Variants in RALGPS1 observed in about 807,000 individuals in gnomAD.
RALGPS1 encodes the protein Ral GEF with PH domain and SH3 binding motif 1.
A neutral mutation model predicts 78.8 loss-of-function variants in RALGPS1; 19 were observed. The ratio of observed to expected loss-of-function variants is 0.24; its 90% CI spans 0.17 to 0.35. The LOEUF is 0.35. Ranked by LOEUF, RALGPS1 falls within the 10% of genes least tolerant of loss-of-function variation. The pLI is 1.00. For missense variants in RALGPS1, 454 were observed against 688.3 expected (o/e 0.66, Z 3.81); for synonymous variants, 228 against 256.3 (o/e 0.89, Z 1.06).
chr9:127,213,076 T>A, intron 17 of RALGPS1, 27 bp downstream of exon 17: 1 of 1,613,982 alleles, frequency 6.2e-7, no homozygotes, highest in Non-Finnish European at 8.5e-7. Flanking sequence ...AGCTGGCGCC[T>A]GCAGCTGCTC....
chr9:127,006,267 C>T (rs1021732736), intron 4 of RALGPS1, among the ~76,000 whole-genome samples: 2 of 152,140 alleles, frequency 1.3e-5, no homozygotes, highest in African/African-American at 4.8e-5. Flanking sequence ...ACAAGCCATT[C>T]GTGAAGGAAA....
At chr9:127,154,823 T>C (rs1488094129) in intron 8 of RALGPS1, among the ~76,000 whole-genome samples, 1 of 152,196 alleles carries the variant, frequency 6.6e-6, no homozygotes, top group African/African-American at 2.4e-5. Context: ...GTGATCTCAC[T>C]CTCTGGCCGG....
At chr9:127,139,064 C>T (rs1172933171) in intron 8 of RALGPS1, among the ~76,000 whole-genome samples, 1 of 152,184 alleles carries the variant, frequency 6.6e-6, no homozygotes, top group Non-Finnish European at 1.5e-5. Context: ...CACCTCAGCT[C>T]TGTCCTTAGA....
intron 4 of RALGPS1, among the ~76,000 whole-genome samples, chr9:127,033,276 A>G (rs1331555355): frequency 6.6e-6 from 1 of 152,174 alleles, no homozygotes; most frequent in African/African-American, 2.4e-5. Context: ...TCTTGTGACC[A>G]GGAGCTGCTG....
At chr9:127,059,534 C>CT (rs1233909309) in intron 7 of RALGPS1, among the ~76,000 whole-genome samples, 3 of 152,272 alleles carry the variant, frequency 2.0e-5, no homozygotes, top group Admixed American at 2.0e-4. Flanking sequence ...CTCTTGACTT[C>CT]TTTTGTTGCT....
intron 5 of RALGPS1, among the ~76,000 whole-genome samples, chr9:127,044,742 C>T (rs996072872): frequency 6.6e-6 from 1 of 152,150 alleles, no homozygotes; most frequent in African/African-American, 2.4e-5. Flanking sequence ...CTCTCTCCTT[C>T]CTCTAATAGT....
At chr9:127,006,689 C>G (rs1291036927) in intron 4 of RALGPS1, among the ~76,000 whole-genome samples, 1 of 152,118 alleles carries the variant, frequency 6.6e-6, no homozygotes, top group East Asian at 1.9e-4. Context: ...GATGAAGAGA[C>G]TGAGGCCCAG....
At chr9:126,942,439 A>C (rs1425240363) in intron 1 of RALGPS1, among the ~76,000 whole-genome samples, 1 of 152,152 alleles carries the variant, frequency 6.6e-6, no homozygotes, top group African/African-American at 2.4e-5. Flanking sequence ...CTTTTTCCCA[A>C]GTGAATAGTA....
chr9:127,026,332 G>A (rs1464545133), intron 4 of RALGPS1, among the ~76,000 whole-genome samples: 1 of 152,178 alleles, frequency 6.6e-6, no homozygotes, highest in Non-Finnish European at 1.5e-5. Flanking sequence ...GATTAAGGGT[G>A]AGTCTGCCTT....
At chr9:126,984,240 A>C (rs1282857322) in intron 4 of RALGPS1, among the ~76,000 whole-genome samples, 2 of 152,110 alleles carry the variant, frequency 1.3e-5, no homozygotes, top group Non-Finnish European at 2.9e-5. Flanking sequence ...AGAATCTAGG[A>C]CTACAGACAT....
At chr9:127,045,361 T>C (rs548198054) in intron 5 of RALGPS1, among the ~76,000 whole-genome samples, 2 of 152,278 alleles carry the variant, frequency 1.3e-5, no homozygotes, top group Middle Eastern at 3.4e-3. Context: ...AAATTTGTAA[T>C]AGAGTGGAGC....
At chr9:126,935,200 A>G (rs2036147660) in intron 1 of RALGPS1, among the ~76,000 whole-genome samples, 1 of 152,066 alleles carries the variant, frequency 6.6e-6, no homozygotes. Flanking sequence ...TCTACTCTGT[A>G]CCTCCTACCT....
rs73668488 is a variant in RALGPS1 at position 127,154,148 on chromosome 9, C to A, written c.611-11921C>A. On this transcript the variant is annotated intron_variant, in intron 8 of 18. Transcript: ENST00000259351. ...TGCTGGCAGAGCTGAGGGCTGAGTGCTTGGCCTGCCTTGGGTGAGACTGGC... is the reference window on the plus strand; with the variant it reads ...TGCTGGCAGAGCTGAGGGCTGAGTGATTGGCCTGCCTTGGGTGAGACTGGC... 1.1e-3 allele frequency among the ~76,000 whole-genome samples: 166 copies of A among 152,366 alleles called. 2 individuals are homozygous for A. Among genetic ancestry groups the A allele is most frequent in the African/African-American group, 3.8e-3 (160 of 41,590 alleles).
At chr9:127,000,380 G>C (rs1478511770) in intron 4 of RALGPS1, among the ~76,000 whole-genome samples, 1 of 151,854 alleles carries the variant, frequency 6.6e-6, no homozygotes, top group East Asian at 1.9e-4. Context: ...CACGCGTTTT[G>C]ATATTTTGGG....
rs1284731600 is a variant in RALGPS1 at position 127,122,968 on chromosome 9, G to GAGGC, written c.611-43100_611-43097dup. ...AGCTCAGGCAGCTCCCGCGTGCTGC[G>GAGGC]AGGCGGAGCGCTTCCCCTTTGACTC... On this transcript the variant is annotated intron_variant, in intron 8 of 18. Transcript: ENST00000259351. This position sits in a 1 kb window ranked among gnomAD's most constrained non-coding sequence, Gnocchi z 6.4. 1 of 152,408 alleles carries GAGGC rather than the reference G, an allele frequency of 6.6e-6. No homozygotes were observed. Among genetic ancestry groups the GAGGC allele is most frequent in the Non-Finnish European group, 1.5e-5 (1 of 68,190 alleles). The allele number at this position is 152,408 out of a possible 1,614,324, so 9.4% of individuals were successfully genotyped here. A position where few individuals can be genotyped will look rare whatever the true frequency, so the allele number is the denominator to read the frequency against.
chr9:126,949,954 G>C (rs1362169543), intron 1 of RALGPS1, among the ~76,000 whole-genome samples: 2 of 152,188 alleles, frequency 1.3e-5, no homozygotes, highest in Non-Finnish European at 2.9e-5. Context: ...TATGTCTAAT[G>C]TTTAAGCCTT....
At chr9:126,961,288 T>C (rs1375843233) in intron 1 of RALGPS1, among the ~76,000 whole-genome samples, 1 of 152,072 alleles carries the variant, frequency 6.6e-6, no homozygotes, top group Non-Finnish European at 1.5e-5. Context: ...CATCAAATAA[T>C]GAGATATCTG....
At chr9:126,932,171 T>C (rs2035853992) in intron 1 of RALGPS1, among the ~76,000 whole-genome samples, 1 of 152,180 alleles carries the variant, frequency 6.6e-6, no homozygotes, top group African/African-American at 2.4e-5. Context: ...GTCCTCATCT[T>C]GAAAAGGGAT....
At chr9:126,979,644 G>T (rs934991973) in intron 4 of RALGPS1, among the ~76,000 whole-genome samples, 7 of 152,200 alleles carry the variant, frequency 4.6e-5, no homozygotes, top group Admixed American at 3.9e-4. Flanking sequence ...GAGGGAGGCG[G>T]GTGGGGGCTT....
Sources: gnomAD v4.1 joint callset for allele counts (sites outside exome capture counted in the v4.1 genomes callset) on GRCh38, gnomAD v4.1.1 for gene constraint, Gnocchi (gnomAD v3.1) non-coding constraint, MANE v1.5 for transcripts, NCBI Gene and HGNC (gene_info 2026-07-23, HGNC 2026-07-21) for gene names.